Variants in SPHKAP observed in about 807,000 individuals in gnomAD.
The protein encoded by SPHKAP is SPHK1 interactor, AKAP domain containing.
In SPHKAP, 67 loss-of-function variants were observed where a neutral mutation model predicts 137.5. The observed-to-expected ratio is 0.49, with a 90% CI of 0.40 to 0.60. The LOEUF (loss-of-function observed/expected upper bound fraction) is 0.60. Ranked by LOEUF, SPHKAP falls within the 20% of genes least tolerant of loss-of-function variation. The pLI is 0.00. For synonymous variants in SPHKAP, 813 were observed against 785.3 expected, an observed-to-expected ratio of 1.04 and a Z score of -0.59; for missense variants, 2,097 against 2,069.3, an observed-to-expected ratio of 1.01 and a Z score of -0.26.
chr2:227,993,384 A>T lies in SPHKAP; in HGVS notation c.4721+150T>A, dbSNP rs528988427. ...GTGGTGGTAGGGCAGGGCCTATTCT[A>T]GGCTTGAATTCTTCCTCCAGTGACA... On this transcript the variant is annotated intron_variant, in intron 9 of 11. Coordinates refer to ENST00000392056, the MANE Select transcript of SPHKAP (RefSeq NM_001142644.2). 6.1e-5 allele frequency: 44 copies of T among 716,798 alleles called. No homozygotes were observed. In the African/African-American group the frequency reaches 7.0e-4, roughly 11 times the overall value. The allele number at this position is 716,798 out of a possible 1,614,324, so 44.4% of individuals were successfully genotyped here.
At chr2:227,989,530 G>A (rs1034569712) in intron 11 of SPHKAP, among the ~76,000 whole-genome samples, 5 of 152,092 alleles carry the variant, frequency 3.3e-5, no homozygotes, top group African/African-American at 1.2e-4. Context: ...CCCTTATTAC[G>A]CTACCTTATA....
Position 228,034,967 on chromosome 2 carries a change from G to T in SPHKAP, c.247-7424C>A, listed in dbSNP as rs555726008. Among the ~76,000 whole-genome samples the T allele has an allele frequency of 9.5e-3, 1,435 of 151,216 alleles. 23 individuals are homozygous for T. The highest frequency in any genetic ancestry group is 0.034 in the African/African-American group (1,387 of 41,048). On this transcript the variant is annotated intron_variant, in intron 3 of 11. Coordinates refer to ENST00000392056, the MANE Select transcript of SPHKAP (RefSeq NM_001142644.2). ...CTGGAAGCATTCCCTTTGAAAACTG[G>T]CACAAGAGAGGGATGCCCTCTCTCA...
intron 2 of SPHKAP, among the ~76,000 whole-genome samples, chr2:228,114,579 C>T (rs925808057): frequency 2.0e-5 from 3 of 152,040 alleles, no homozygotes; most frequent in Admixed American, 2.0e-4. Flanking sequence ...GAAGTTTATT[C>T]TAAGGATCAA....
At chr2:228,068,113 C>T (rs1696885931) in intron 3 of SPHKAP, among the ~76,000 whole-genome samples, 1 of 151,990 alleles carries the variant, frequency 6.6e-6, no homozygotes, top group African/African-American at 2.4e-5. Context: ...GTTAAGAAAG[C>T]AATCCTGTTT....
intron 7 of SPHKAP, among the ~76,000 whole-genome samples, chr2:228,011,178 T>G (rs1311264750): frequency 6.6e-6 from 1 of 151,954 alleles, no homozygotes; most frequent in Non-Finnish European, 1.5e-5. Context: ...TTATAAATTC[T>G]CAAGGGGATT....
At chr2:228,176,269 T>G (rs1559216304) in intron 1 of SPHKAP, among the ~76,000 whole-genome samples, 1 of 152,150 alleles carries the variant, frequency 6.6e-6, no homozygotes, top group Non-Finnish European at 1.5e-5. Flanking sequence ...AAGACAAGCT[T>G]TCTTTTGGAT....
chr2:228,175,078 G>A (rs1700700472), intron 1 of SPHKAP, among the ~76,000 whole-genome samples: 1 of 151,000 alleles, frequency 6.6e-6, no homozygotes, highest in Admixed American at 6.6e-5. Context: ...TCCAAGAGCT[G>A]TATTCTAATA....
intron 3 of SPHKAP, among the ~76,000 whole-genome samples, chr2:228,034,602 C>T (rs1695503509): frequency 6.6e-6 from 1 of 152,280 alleles, no homozygotes; most frequent in South Asian, 2.1e-4. Context: ...GACCAATATC[C>T]TTGATGAACA....
In SPHKAP at chr2:228,017,571, C is replaced by T. The variant is rs2106210377; in HGVS notation, c.3283G>A (p.Ala1095Thr). 1 of 1,613,642 alleles carries T rather than the reference C, an allele frequency of 6.2e-7. No homozygotes were observed. The highest frequency in any genetic ancestry group is 2.2e-5 in the East Asian group (1 of 44,870). ...ATTAAGCCCAGGCTGTTGACATAGGCCCTGGCCTCGGAGTCTTCCTCAGGA... is the reference window on the plus strand; with the variant it reads ...ATTAAGCCCAGGCTGTTGACATAGGTCCTGGCCTCGGAGTCTTCCTCAGGA... ...SIPEEDSEAR[A>T]YVNSLGLMST... Residue 1095 changes from alanine (A) to threonine (T), a missense_variant, in exon 7 of 12, where the codon GCC becomes ACC. By Grantham distance (58) the Ala-to-Thr change is moderately conservative. Transcript: ENST00000392056.
intron 1 of SPHKAP, among the ~76,000 whole-genome samples, chr2:228,160,659 AG>A (rs1398422143): frequency 1.3e-5 from 2 of 152,208 alleles, no homozygotes; most frequent in East Asian, 3.9e-4. Context: ...ATTCAAGATA[AG>A]ATTTGGGTGG....
Position 228,057,094 on chromosome 2 carries a change from T to C in SPHKAP, c.247-29551A>G, listed in dbSNP as rs191762419. Among the ~76,000 whole-genome samples the C allele has an allele frequency of 2.6e-5, 4 of 152,340 alleles. No homozygotes were observed. The East Asian group carries it at 7.7e-4, about 29-fold the overall frequency. Reference sequence around the variant, plus strand: ...CTGACTTGACATTATCCCTCACTTCTTTCTTTAAAGTTCTCTTCTATACCA... The same window carrying C: ...CTGACTTGACATTATCCCTCACTTCCTTCTTTAAAGTTCTCTTCTATACCA... On this transcript the variant is annotated intron_variant, in intron 3 of 11. Transcript: ENST00000392056.
At chr2:228,156,891 A>G (rs1700123521) in intron 1 of SPHKAP, among the ~76,000 whole-genome samples, 1 of 152,166 alleles carries the variant, frequency 6.6e-6, no homozygotes, top group Non-Finnish European at 1.5e-5. Flanking sequence ...CTCCCCAGCC[A>G]TATGGAACTG....
rs370348371 is a variant in SPHKAP at position 228,017,309 on chromosome 2, G to C, written c.3545C>G (p.Ser1182Cys). 3 of 1,613,892 alleles carry C rather than the reference G, an allele frequency of 1.9e-6. No individual in the cohort carries two copies. In the African/African-American group the frequency reaches 4.0e-5, roughly 22 times the overall value. ...GATGCTCTCTGTGCTGGACTGCTTAGAGGGACAGCTAGGCCTCACACTGAG... is the reference window on the plus strand; with the variant it reads ...GATGCTCTCTGTGCTGGACTGCTTACAGGGACAGCTAGGCCTCACACTGAG... ...DHLSVRPSCP[S>C]KQSSTESITE... The change falls in exon 7 of 12, where the codon TCT (serine) becomes TGT (cysteine). Residue 1182 changes from serine to cysteine, a missense_variant. Ser to Cys is a moderately radical substitution (Grantham distance 112, BLOSUM62 -1). Coordinates refer to ENST00000392056, the MANE Select transcript of SPHKAP (RefSeq NM_001142644.2).
intron 3 of SPHKAP, among the ~76,000 whole-genome samples, chr2:228,060,596 T>C (rs572775442): frequency 1.3e-5 from 2 of 152,258 alleles, no homozygotes; most frequent in East Asian, 3.9e-4. Flanking sequence ...AACAAGGGTG[T>C]TTTTCTTTGT....
At chr2:228,046,171 C>A (rs1696042788) in intron 3 of SPHKAP, among the ~76,000 whole-genome samples, 1 of 151,828 alleles carries the variant, frequency 6.6e-6, no homozygotes, top group African/African-American at 2.4e-5. Context: ...TAGGTCAAAT[C>A]AAGGTGTATA....
At chr2:228,167,988 C>A (rs928057202) in intron 1 of SPHKAP, among the ~76,000 whole-genome samples, 2 of 152,018 alleles carry the variant, frequency 1.3e-5, no homozygotes, top group African/African-American at 2.4e-5. Flanking sequence ...TATATATGCA[C>A]ACATATTTAA....
intron 7 of SPHKAP, 46 bp from the exon 8 acceptor site, chr2:227,995,740 AC>A: frequency 2.0e-6 from 3 of 1,486,712 alleles, no homozygotes; most frequent in East Asian, 4.7e-5. Flanking sequence ...GCACACACAC[AC>A]ACACACAGAA....
At chr2:227,991,892 T>A in intron 9 of SPHKAP, 1 of 245,172 alleles carries the variant, frequency 4.1e-6, no homozygotes, top group Non-Finnish European at 6.5e-6. Context: ...ATATCACAAT[T>A]AAAGTTTTTC....
intron 3 of SPHKAP, among the ~76,000 whole-genome samples, chr2:228,033,954 G>A (rs561736565): frequency 1.8e-4 from 27 of 152,020 alleles, no homozygotes; most frequent in South Asian, 4.2e-4. Flanking sequence ...ACACCCTAAC[G>A]TCACAATTAA....
Sources: allele counts gnomAD v4.1 joint callset (sites outside exome capture counted in the v4.1 genomes callset), GRCh38; gene constraint gnomAD v4.1.1; transcripts MANE v1.5; gene names NCBI Gene and HGNC (gene_info 2026-07-23, HGNC 2026-07-21).